The following BMERB1 variants were observed in gnomAD, a reference collection of about 807,000 sequenced individuals.
BMERB1 encodes the protein bMERB domain containing 1, also known as bMERB domain-containing protein 1.
Under a neutral mutation model 23.6 loss-of-function variants are expected in BMERB1, and 12 were observed. The observed-to-expected ratio is 0.51, with a 90% CI of 0.33 to 0.82. The LOEUF (loss-of-function observed/expected upper bound fraction) is 0.82. BMERB1 is among the 40% of genes least tolerant of loss of function. The pLI is 0.03. For missense variants in BMERB1, 247 were observed against 255.4 expected (o/e 0.97, Z 0.22); for synonymous variants, 122 against 96.6 (o/e 1.26, Z -1.54).
intron 1 of BMERB1, among the ~76,000 whole-genome samples, chr16:15,499,788 G>A (rs189237225): frequency 6.6e-6 from 1 of 152,268 alleles, no homozygotes; most frequent in Admixed American, 6.5e-5. Flanking sequence ...AACACTGACC[G>A]CCTCTTGCGG....
chr16:15,529,010 A>G (rs2051939541), intron 2 of BMERB1, among the ~76,000 whole-genome samples: 1 of 147,224 alleles, frequency 6.8e-6, no homozygotes, highest in African/African-American at 2.7e-5. Flanking sequence ...TACCATGAAA[A>G]ATAAGTGTTT....
chr16:15,587,474 A>T lies in BMERB1; in HGVS notation c.*645A>T. The T allele has an allele frequency of 2.4e-6, 1 of 414,216 alleles. No homozygotes were observed. The highest frequency in any genetic ancestry group is 4.9e-6 in the Non-Finnish European group (1 of 202,516). The allele number at this position is 414,216 out of a possible 1,614,324, so 25.7% of individuals were successfully genotyped here. On this transcript the variant is annotated 3_prime_UTR_variant, in exon 6 of 6. Transcript: ENST00000300006. ...GTGTCTGGGCACAGTTCACATCAGGACAGCGTCCATTGTGCTCTCAGTCTG... is the reference window on the plus strand; with the variant it reads ...GTGTCTGGGCACAGTTCACATCAGGTCAGCGTCCATTGTGCTCTCAGTCTG...
chr16:15,482,923 A>G (rs1339432368), intron 1 of BMERB1, among the ~76,000 whole-genome samples: 1 of 152,084 alleles, frequency 6.6e-6, no homozygotes, highest in African/African-American at 2.4e-5. Context: ...TACCCATTTT[A>G]CAGATATGGA....
chr16:15,490,432 G>GC (rs1303671166), intron 1 of BMERB1, among the ~76,000 whole-genome samples: 7 of 152,240 alleles, frequency 4.6e-5, no homozygotes, highest in African/African-American at 1.7e-4. Context: ...ACTGGCATAT[G>GC]CCACCACACC....
chr16:15,527,694 A>G (rs2051923441), intron 2 of BMERB1, among the ~76,000 whole-genome samples: 1 of 152,140 alleles, frequency 6.6e-6, no homozygotes, highest in Non-Finnish European at 1.5e-5. Flanking sequence ...TGAGAAAGAC[A>G]GGCAGGGGAA....
At chr16:15,493,668 T>C (rs752445996) in intron 1 of BMERB1, among the ~76,000 whole-genome samples, 1 of 152,070 alleles carries the variant, frequency 6.6e-6, no homozygotes, top group African/African-American at 2.4e-5. Flanking sequence ...CATCCTGTTT[T>C]TCCCCTGGCT....
At position 15,581,345 on chromosome 16, in the gene BMERB1, G is replaced by A. The variant is rs756055074; in HGVS notation, c.419+14G>A. 62 of 1,603,430 alleles carry A rather than the reference G, an allele frequency of 3.9e-5. 2 individuals carry two copies. The South Asian group carries it at 4.0e-4, about 10-fold the overall frequency. Reference sequence around the variant, plus strand: ...CGAGCGGTTAAGGTGAGTGCACTGCGGGTACCCGATCACTGGGCTGCAGGA... The same window carrying A: ...CGAGCGGTTAAGGTGAGTGCACTGCAGGTACCCGATCACTGGGCTGCAGGA... On this transcript the variant is annotated intron_variant, in intron 4 of 5. Coordinates refer to ENST00000300006, the MANE Select transcript of BMERB1 (RefSeq NM_033201.3).
At chr16:15,561,256 ATTTTTTTTT>A (rs35139646) in intron 2 of BMERB1, among the ~76,000 whole-genome samples, 8 of 42,214 alleles carry the variant, frequency 1.9e-4, no homozygotes, top group South Asian at 1.1e-3. Context: ...CACGCCGGCC[ATTTTTTTTT>A]TTTTTTTTTT....
chr16:15,513,995 G>A (rs562238338), intron 1 of BMERB1, among the ~76,000 whole-genome samples: 9 of 152,032 alleles, frequency 5.9e-5, no homozygotes, highest in East Asian at 1.9e-4. Flanking sequence ...TTATATATCC[G>A]TATGTATGCT....
At chr16:15,567,343 C>T (rs999464658) in intron 2 of BMERB1, among the ~76,000 whole-genome samples, 1 of 152,138 alleles carries the variant, frequency 6.6e-6, no homozygotes. Context: ...GTTTAAAAAA[C>T]GTAAACTTTA....
At chr16:15,453,126 C>G (rs768076396) in intron 1 of BMERB1, among the ~76,000 whole-genome samples, 5 of 151,862 alleles carry the variant, frequency 3.3e-5, no homozygotes, top group Non-Finnish European at 2.9e-5. Context: ...GAGCTGAGAT[C>G]GCACCACTGC....
intron 2 of BMERB1, among the ~76,000 whole-genome samples, chr16:15,567,144 T>C (rs2030591828): frequency 6.6e-6 from 1 of 152,006 alleles, no homozygotes; most frequent in South Asian, 2.1e-4. Context: ...TAAGCTATGA[T>C]CACGCCACTG....
chr16:15,531,841 T>C (rs2051970977), intron 2 of BMERB1, among the ~76,000 whole-genome samples: 1 of 152,152 alleles, frequency 6.6e-6, no homozygotes. Context: ...AATAGGATAA[T>C]GCTTGGCTGA....
intron 1 of BMERB1, among the ~76,000 whole-genome samples, chr16:15,511,184 A>G (rs777167013): frequency 2.8e-4 from 42 of 152,050 alleles, no homozygotes; most frequent in Non-Finnish European, 5.4e-4. Context: ...AGCACATCAC[A>G]TGAGACATTT....
intron 2 of BMERB1, among the ~76,000 whole-genome samples, chr16:15,564,161 C>T (rs1598523747): frequency 6.6e-6 from 1 of 152,324 alleles, no homozygotes; most frequent in Admixed American, 6.5e-5. Context: ...AAATAAACCT[C>T]TTGTCTTTAT....
intron 1 of BMERB1, among the ~76,000 whole-genome samples, chr16:15,514,530 G>A (rs1218650006): frequency 2.0e-5 from 3 of 152,090 alleles, no homozygotes; most frequent in Non-Finnish European, 4.4e-5. Flanking sequence ...GTGGCCTCAC[G>A]ACTGTAATCC....
chr16:15,542,231 T>C (rs1360592612), intron 2 of BMERB1, among the ~76,000 whole-genome samples: 1 of 151,940 alleles, frequency 6.6e-6, no homozygotes, highest in African/African-American at 2.4e-5. Context: ...ACCCAGCTAA[T>C]TTTTGTATTT....
intron 2 of BMERB1, among the ~76,000 whole-genome samples, chr16:15,531,935 G>A (rs1315668972): frequency 6.6e-6 from 1 of 152,198 alleles, no homozygotes; most frequent in African/African-American, 2.4e-5. Context: ...AGAAATGGGA[G>A]GGAATAAAAC....
At chr16:15,490,904 A>G (rs1268426365) in intron 1 of BMERB1, among the ~76,000 whole-genome samples, 1 of 152,126 alleles carries the variant, frequency 6.6e-6, no homozygotes, top group Non-Finnish European at 1.5e-5. Context: ...GTGCAGTGGC[A>G]TGATCTCAGC....
Sources: allele counts gnomAD v4.1 joint callset (sites outside exome capture counted in the v4.1 genomes callset), GRCh38; gene constraint gnomAD v4.1.1; transcripts MANE v1.5; gene names NCBI Gene and HGNC (gene_info 2026-07-23, HGNC 2026-07-21).